The following SCN8A variants were observed in gnomAD, a reference collection of about 807,000 sequenced individuals.
SCN8A encodes sodium voltage-gated channel alpha subunit 8, also known as sodium channel protein type 8 subunit alpha.
Under a neutral mutation model 184.1 loss-of-function variants are expected in SCN8A, and 30 were observed. That is an observed-to-expected ratio of 0.16 (90% CI 0.12 to 0.22). The LOEUF (loss-of-function observed/expected upper bound fraction) is 0.22, where lower values mean the gene tolerates loss of function less well. Ranked by LOEUF, SCN8A falls within the 10% of genes least tolerant of loss-of-function variation. The pLI is 1.00. For synonymous variants in SCN8A, 852 were observed against 907.0 expected (o/e 0.94, Z 1.09); for missense variants, 1,057 against 2,498.9 (o/e 0.42, Z 12.30).
intron 1 of SCN8A, among the ~76,000 whole-genome samples, chr12:51,602,155 G>T (rs1226224808): frequency 1.3e-5 from 2 of 152,104 alleles, no homozygotes; most frequent in Non-Finnish European, 2.9e-5. Context: ...GAAAAATCCA[G>T]TGTGGATCTG....
intron 21 of SCN8A, 54 bp from the exon 22 acceptor site, chr12:51,786,488 A>C (rs1465020906): frequency 6.3e-7 from 1 of 1,593,744 alleles, no homozygotes; most frequent in Non-Finnish European, 8.6e-7. Flanking sequence ...AAATCAAAAA[A>C]TGTGCTTGCT....
chr12:51,706,795 T>C (rs1941793587), intron 11 of SCN8A, 80 bp downstream of exon 11: 1 of 1,006,552 alleles, frequency 9.9e-7, no homozygotes, highest in African/African-American at 1.6e-5. Flanking sequence ...TATTATACCA[T>C]CTTTACCATT....
chr12:51,612,153 T>G (rs528860315), intron 1 of SCN8A, among the ~76,000 whole-genome samples: 8 of 152,266 alleles, frequency 5.3e-5, no homozygotes, highest in African/African-American at 1.9e-4. Context: ...TATTCCCTGC[T>G]TGTTTTTTTT....
At chr12:51,601,529 TC>T (rs563396332) in intron 1 of SCN8A, among the ~76,000 whole-genome samples, 1 of 152,112 alleles carries the variant, frequency 6.6e-6, no homozygotes, top group Non-Finnish European at 1.5e-5. Flanking sequence ...AAGGTAGACT[TC>T]TGGCATTAGA....
chr12:51,640,212 G>GTTT (rs57362371), intron 1 of SCN8A, among the ~76,000 whole-genome samples: 1 of 34,776 alleles, frequency 2.9e-5, no homozygotes, highest in African/African-American at 1.2e-4. Context: ...TGCCTGGCCT[G>GTTT]TTTTTTTTTT....
intron 13 of SCN8A, among the ~76,000 whole-genome samples, chr12:51,750,491 A>G (rs544056101): frequency 5.3e-5 from 8 of 152,296 alleles, no homozygotes; most frequent in Admixed American, 5.2e-4. Flanking sequence ...AGGAAAGGTG[A>G]AAAGGGGAGA....
At chr12:51,747,364 T>C (rs1020794685) in intron 13 of SCN8A, among the ~76,000 whole-genome samples, 2 of 152,162 alleles carry the variant, frequency 1.3e-5, no homozygotes, top group African/African-American at 4.8e-5. Context: ...GCTTTGTAGC[T>C]TATACTTTGA....
chr12:51,740,065 A>G (rs757730994), intron 12 of SCN8A, among the ~76,000 whole-genome samples: 4 of 152,274 alleles, frequency 2.6e-5, no homozygotes, highest in Non-Finnish European at 4.4e-5. Flanking sequence ...CAGATCGCTC[A>G]TGCTATTGTT....
At chr12:51,731,542 C>T (rs1251662074) in intron 12 of SCN8A, among the ~76,000 whole-genome samples, 2 of 152,192 alleles carry the variant, frequency 1.3e-5, no homozygotes, top group African/African-American at 2.4e-5. Flanking sequence ...TGAGCCACCA[C>T]GCCCGACTGG....
intron 26 of SCN8A, among the ~76,000 whole-genome samples, chr12:51,795,643 C>T (rs567257927): frequency 6.6e-6 from 1 of 152,212 alleles, no homozygotes; most frequent in Admixed American, 6.5e-5. Context: ...CTAGACATTT[C>T]TCCTCAAGAA....
At chr12:51,757,782 A>G (rs1942699592) in intron 14 of SCN8A, among the ~76,000 whole-genome samples, 1 of 152,160 alleles carries the variant, frequency 6.6e-6, no homozygotes, top group Non-Finnish European at 1.5e-5. Context: ...GCAAGACCCT[A>G]TCTCAAAAAA....
At chr12:51,683,085 A>T (rs541246063) in intron 2 of SCN8A, among the ~76,000 whole-genome samples, 2 of 152,198 alleles carry the variant, frequency 1.3e-5, no homozygotes, top group East Asian at 3.9e-4. Flanking sequence ...AGCCAAGGGG[A>T]AAAAAATCTC....
At chr12:51,743,630 A>G (rs566862551) in intron 12 of SCN8A, among the ~76,000 whole-genome samples, 11 of 152,324 alleles carry the variant, frequency 7.2e-5, no homozygotes, top group African/African-American at 2.2e-4. Context: ...ACTTGAAGCC[A>G]GCACAGCACA....
intron 2 of SCN8A, among the ~76,000 whole-genome samples, chr12:51,670,987 A>G (rs1441121465): frequency 6.6e-6 from 1 of 152,182 alleles, no homozygotes; most frequent in African/African-American, 2.4e-5. Flanking sequence ...TAAAATTATT[A>G]CTGATAATGA....
chr12:51,691,176 C>G (rs370334717), intron 6 of SCN8A, among the ~76,000 whole-genome samples: 8 of 152,252 alleles, frequency 5.3e-5, no homozygotes, highest in African/African-American at 1.9e-4. Context: ...CTGCTCACTT[C>G]CCTCAGCGTA....
chr12:51,711,190 C>T lies in SCN8A; in HGVS notation c.1635+4475C>T, dbSNP rs1166975814. 9.2e-5 allele frequency among the ~76,000 whole-genome samples: 14 copies of T among 152,180 alleles called. No homozygotes were observed. In the South Asian group the frequency reaches 1.9e-3, roughly 20 times the overall value. On this transcript the variant is annotated intron_variant, in intron 11 of 26. Transcript: ENST00000627620. ...GCTATGAATACCTTAGCGCTGTTAA[C>T]GCTTTGCTATTGAATGGTCTCTGAT... is the stretch of plus-strand genomic sequence containing the variant.
chr12:51,795,408 G>T (rs959559214), intron 26 of SCN8A, among the ~76,000 whole-genome samples: 1 of 152,192 alleles, frequency 6.6e-6, no homozygotes, highest in African/African-American at 2.4e-5. Flanking sequence ...GGCATCTTTT[G>T]TGATAAAACT....
At chr12:51,798,314 A>G (rs1323652661) in intron 26 of SCN8A, among the ~76,000 whole-genome samples, 1 of 152,218 alleles carries the variant, frequency 6.6e-6, no homozygotes, top group East Asian at 1.9e-4. Flanking sequence ...ATGGTGGGTA[A>G]TGCATTCCGT....
Position 51,806,127 on chromosome 12 carries a change from C to A in SCN8A, c.4796-155C>A, listed in dbSNP as rs939844504. On this transcript the variant is annotated intron_variant, in intron 26 of 26. Transcript: ENST00000627620. The surrounding 1 kb of genome is among the most constrained non-coding windows in gnomAD (Gnocchi z 8.7). The stretch of plus-strand genomic sequence containing the variant: ...ACAGGCGTGAGCCCCCATGCCCAGC[C>A]AAAATGTCACTTTTTGAGAGTTCAG... Among the ~76,000 whole-genome samples, 9 of 152,332 alleles carry A rather than the reference C, an allele frequency of 5.9e-5. No individual in the cohort carries two copies. Among genetic ancestry groups the A allele is most frequent in the African/African-American group, 1.9e-4 (8 of 41,584 alleles).
Sources: gnomAD v4.1 joint callset for allele counts (sites outside exome capture counted in the v4.1 genomes callset) on GRCh38, gnomAD v4.1.1 for gene constraint, Gnocchi (gnomAD v3.1) non-coding constraint, MANE v1.5 for transcripts, NCBI Gene and HGNC (gene_info 2026-07-23, HGNC 2026-07-21) for gene names.